Variants in RNF220 observed in about 807,000 individuals in gnomAD.
RNF220 encodes the protein E3 ubiquitin-protein ligase RNF220.
Under a neutral mutation model 67.1 loss-of-function variants are expected in RNF220, and 7 were observed. That is an observed-to-expected ratio of 0.10 (90% CI 0.06 to 0.20). The LOEUF is 0.20. Ranked by LOEUF, RNF220 falls within the 10% of genes least tolerant of loss-of-function variation. The pLI, the probability that RNF220 is intolerant of heterozygous loss-of-function variation, is 1.00. For synonymous variants in RNF220, 270 were observed against 283.2 expected, an observed-to-expected ratio of 0.95 and a Z score of 0.47; for missense variants, 565 against 740.3, an observed-to-expected ratio of 0.76 and a Z score of 2.75.
At chr1:44,644,876 C>T in intron 9 of RNF220, 82 bp downstream of exon 9, 2 of 1,514,332 alleles carry the variant, frequency 1.3e-6, no homozygotes, top group Non-Finnish European at 1.8e-6. Flanking sequence ...CTAGTATTCA[C>T]CTGCACCACC....
At chr1:44,489,661 A>C (rs1352185445) in intron 2 of RNF220, among the ~76,000 whole-genome samples, 1 of 152,210 alleles carries the variant, frequency 6.6e-6, no homozygotes, top group Non-Finnish European at 1.5e-5. Flanking sequence ...AATCTCAGGG[A>C]AAGTCCTGGT....
intron 2 of RNF220, among the ~76,000 whole-genome samples, chr1:44,477,242 A>G (rs959524192): frequency 1.3e-5 from 2 of 152,246 alleles, no homozygotes; most frequent in Admixed American, 6.5e-5. Context: ...TTGGGAATGC[A>G]TTGGTGAATA....
chr1:44,644,652 G>C, intron 8 of RNF220, 46 bp from the exon 9 acceptor site: 1 of 1,508,018 alleles, frequency 6.6e-7, no homozygotes, highest in Non-Finnish European at 9.2e-7. Flanking sequence ...GGGCACCCTT[G>C]GCCTCGTCTT....
rs141146397 is a variant in RNF220 at position 44,619,022 on chromosome 1, G to A, written c.759-3720G>A. ...AGATGTCTCTGGGTTGGTGATGGGG[G>A]AGGGACTGGATGTGTGGAGAGACAG... On this transcript the variant is annotated intron_variant, in intron 3 of 14. Transcript: ENST00000361799. Among the ~76,000 whole-genome samples the A allele has an allele frequency of 7.7e-3, 1,174 of 152,020 alleles. 6 individuals carry two copies. The highest frequency in any genetic ancestry group is 0.012 in the Non-Finnish European group (820 of 67,950).
chr1:44,411,756 G>A (rs1277815473), intron 1 of RNF220, among the ~76,000 whole-genome samples: 1 of 152,158 alleles, frequency 6.6e-6, no homozygotes, highest in African/African-American at 2.4e-5. Flanking sequence ...CCCAGAACGT[G>A]TAGGGACCAA....
At chr1:44,490,144 A>G (rs997265702) in intron 2 of RNF220, among the ~76,000 whole-genome samples, 7 of 152,188 alleles carry the variant, frequency 4.6e-5, no homozygotes, top group Admixed American at 3.3e-4. Context: ...GAAATACTGG[A>G]TATGTTTCTT....
intron 2 of RNF220, among the ~76,000 whole-genome samples, chr1:44,441,618 G>T (rs559384617): frequency 6.6e-6 from 1 of 151,678 alleles, no homozygotes; most frequent in South Asian, 2.1e-4. Context: ...CCTCTGCCTT[G>T]AAAGTAAGAA....
chr1:44,443,040 A>G (rs1035042064), intron 2 of RNF220, among the ~76,000 whole-genome samples: 12 of 152,126 alleles, frequency 7.9e-5, no homozygotes, highest in Non-Finnish European at 4.4e-5. Flanking sequence ...ACCACATTGA[A>G]CCATTTCACA....
At chr1:44,419,648 T>A (rs955870169) in intron 2 of RNF220, 4 of 152,210 alleles carry the variant, frequency 2.6e-5, no homozygotes, top group Non-Finnish European at 5.9e-5. Context: ...ATCTTACCAC[T>A]CTTCAGCATT....
chr1:44,430,277 A>C, intron 2 of RNF220, among the ~76,000 whole-genome samples: 1 of 152,102 alleles, frequency 6.6e-6, no homozygotes, highest in East Asian at 1.9e-4. Context: ...TATTATTTCT[A>C]TAATTAAAAA....
chr1:44,643,829 C>T lies in RNF220; in HGVS notation c.1127-869C>T, dbSNP rs540881204. 4 of 153,014 alleles carry T rather than the reference C, an allele frequency of 2.6e-5. 1 individual carries two copies. The East Asian group carries it at 7.7e-4, about 29-fold the overall frequency. 9.5% of individuals were successfully genotyped at this position (153,014 alleles called of 1,614,324 possible). A position where few individuals can be genotyped will look rare whatever the true frequency, so the allele number is the denominator to read the frequency against. On this transcript the variant is annotated intron_variant, in intron 8 of 14. Transcript: ENST00000361799. ...GGGGGAACAGCTCTATAGCACTTGA[C>T]CCTAGGCTATCAGGAAGGGTGGTCC... is the stretch of plus-strand genomic sequence containing the variant.
intron 2 of RNF220, among the ~76,000 whole-genome samples, chr1:44,508,129 CTG>C (rs913351320): frequency 5.2e-5 from 7 of 135,454 alleles, no homozygotes; most frequent in African/African-American, 1.9e-4. Flanking sequence ...CTTTGAAAAG[CTG>C]TGTGGAGCAG....
rs1034692186 is a variant in RNF220 at position 44,622,604 on chromosome 1, A to T, written c.759-138A>T. 51 of 700,614 alleles carry T rather than the reference A, an allele frequency of 7.3e-5. No individual in the cohort carries two copies. The highest frequency in any genetic ancestry group is 1.1e-4 in the Non-Finnish European group (45 of 397,614). The allele number at this position is 700,614 out of a possible 1,614,324, so 43.4% of individuals were successfully genotyped here. On this transcript the variant is annotated intron_variant, in intron 3 of 14. Coordinates refer to ENST00000361799, the MANE Select transcript of RNF220 (RefSeq NM_018150.4). This position sits in a 1 kb window ranked among gnomAD's most constrained non-coding sequence, Gnocchi z 4.3. ...AGGCTGGGCCACTGGGATTGAAAGG[A>T]CTGGGTGGAGCTTGGCTGAGCTGGG... is the stretch of plus-strand genomic sequence containing the variant.
In RNF220 at chr1:44,649,969, T is replaced by TG; in HGVS notation, c.1629+17dup. The TG allele has an allele frequency of 6.2e-7, 1 of 1,612,666 alleles. No individual in the cohort carries two copies. ...GGCTGCGGACCCTGGTGAGGTGGCA[T>TG]GGGGGTCGGGGAATGGGAGGCCGCT... On this transcript the variant is annotated intron_variant, in intron 14 of 14. Coordinates refer to ENST00000361799, the MANE Select transcript of RNF220 (RefSeq NM_018150.4). The surrounding 1 kb of genome is among the most constrained non-coding windows in gnomAD (Gnocchi z 5.9).
chr1:44,626,189 C>G, intron 4 of RNF220, 108 bp from the exon 5 acceptor site: 1 of 755,100 alleles, frequency 1.3e-6, no homozygotes, highest in Non-Finnish European at 2.3e-6. Flanking sequence ...TATCCCTCAG[C>G]CTCCTTCTCT....
chr1:44,434,166 A>T (rs577184667), intron 2 of RNF220, among the ~76,000 whole-genome samples: 56 of 152,144 alleles, frequency 3.7e-4, no homozygotes, highest in African/African-American at 1.3e-3. Flanking sequence ...TTGAAATATG[A>T]AATGATGAGC....
intron 2 of RNF220, among the ~76,000 whole-genome samples, chr1:44,477,032 A>G (rs933220740): frequency 6.6e-6 from 1 of 152,216 alleles, no homozygotes; most frequent in Non-Finnish European, 1.5e-5. Context: ...AGCACAGCTC[A>G]TTAGGAAGGG....
At chr1:44,494,459 T>C (rs1401772467) in intron 2 of RNF220, among the ~76,000 whole-genome samples, 1 of 152,062 alleles carries the variant, frequency 6.6e-6, no homozygotes, top group African/African-American at 2.4e-5. Context: ...AATGTTCCTC[T>C]CTAGGGAGCA....
At chr1:44,466,698 T>G (rs543453587) in intron 2 of RNF220, among the ~76,000 whole-genome samples, 1 of 152,326 alleles carries the variant, frequency 6.6e-6, no homozygotes, top group East Asian at 1.9e-4. Context: ...AGGTGCATTG[T>G]CAATAAGAGA....
Sources: gnomAD v4.1 joint callset for allele counts (sites outside exome capture counted in the v4.1 genomes callset) on GRCh38, gnomAD v4.1.1 for gene constraint, Gnocchi (gnomAD v3.1) non-coding constraint, MANE v1.5 for transcripts, NCBI Gene and HGNC (gene_info 2026-07-23, HGNC 2026-07-21) for gene names.